PANK1: variants seen among roughly 807,000 people sequenced by gnomAD.
The protein encoded by PANK1 is pantothenate kinase 1.
PANK1 carries 18 observed loss-of-function variants against 40.1 expected under a neutral mutation model. That is an observed-to-expected ratio of 0.45 (90% CI 0.31 to 0.67). PANK1 has a LOEUF of 0.67. Ranked by LOEUF, PANK1 falls within the 30% of genes least tolerant of loss-of-function variation. The probability of loss-of-function intolerance (pLI) is 0.06; values close to 1 mark genes in which losing one functional copy is unlikely to be tolerated. For synonymous variants in PANK1, 242 were observed against 237.7 expected (o/e 1.02, Z -0.17); for missense variants, 457 against 599.6 (o/e 0.76, Z 2.48).
intron 1 of PANK1, among the ~76,000 whole-genome samples, chr10:89,640,688 C>G (rs1841944454): frequency 6.6e-6 from 1 of 152,186 alleles, no homozygotes; most frequent in Non-Finnish European, 1.5e-5. Context: ...CATATATACA[C>G]ACAAAATATT....
chr10:89,616,498 A>T (rs1304315870), intron 1 of PANK1, among the ~76,000 whole-genome samples: 1 of 152,228 alleles, frequency 6.6e-6, no homozygotes, highest in Non-Finnish European at 1.5e-5. Flanking sequence ...GTTTGCCTGT[A>T]GTCCCAGATT....
chr10:89,616,555 G>A (rs1845324648), intron 1 of PANK1, among the ~76,000 whole-genome samples: 1 of 152,106 alleles, frequency 6.6e-6, no homozygotes, highest in Non-Finnish European at 1.5e-5. Flanking sequence ...GGAGGTCAAG[G>A]TTGTAGTGTA....
intron 1 of PANK1, among the ~76,000 whole-genome samples, chr10:89,630,974 C>T (rs12570813): frequency 0.18 from 27,165 of 152,120 alleles, 2,903 homozygotes; most frequent in East Asian, 0.35. Flanking sequence ...GGAGATTAGC[C>T]TGGGGAACAC....
At chr10:89,643,946 GA>G (rs909228829) in intron 1 of PANK1, 3,153 of 1,090,462 alleles carry the variant, frequency 2.9e-3, no homozygotes, top group South Asian at 4.6e-3. Context: ...CCCCTTCGTT[GA>G]AAAAAAAAAT....
intron 1 of PANK1, among the ~76,000 whole-genome samples, chr10:89,631,910 C>T (rs74344987): frequency 0.027 from 4,075 of 150,872 alleles, 357 homozygotes; most frequent in East Asian, 0.27. Context: ...ACACAATAGT[C>T]TCAACTGGAT....
intron 1 of PANK1, among the ~76,000 whole-genome samples, chr10:89,624,072 C>G (rs549763264): frequency 6.6e-6 from 1 of 152,202 alleles, no homozygotes; most frequent in Non-Finnish European, 1.5e-5. Context: ...TTTCTCCTCT[C>G]GCCCAGACAC....
chr10:89,633,102 C>T (rs941792934), intron 1 of PANK1, among the ~76,000 whole-genome samples: 1 of 152,092 alleles, frequency 6.6e-6, no homozygotes, highest in Non-Finnish European at 1.5e-5. Flanking sequence ...GAAAATAAAG[C>T]CCTGATTTTC....
chr10:89,644,393 G>A (rs1416975620), intron 1 of PANK1, among the ~76,000 whole-genome samples: 1 of 152,166 alleles, frequency 6.6e-6, no homozygotes, highest in Admixed American at 6.5e-5. Flanking sequence ...ATAGAAGCGA[G>A]CAAAGGGCAG....
intron 3 of PANK1, among the ~76,000 whole-genome samples, chr10:89,595,756 G>A (rs1844547563): frequency 6.9e-6 from 1 of 144,272 alleles, no homozygotes; most frequent in Admixed American, 7.1e-5. Flanking sequence ...GGTGGAGGCT[G>A]TAGTGAGCCG....
chr10:89,645,225 T>TTCCTCGCCTCCCAGACTGG lies in PANK1; in HGVS notation c.-335_-334insCCAGTCTGGGAGGCGAGGA. On this transcript the variant is annotated 5_prime_UTR_variant, in exon 1 of 7. Coordinates refer to ENST00000307534, the MANE Select transcript of PANK1 (RefSeq NM_148977.3). Reference sequence around the variant, plus strand: ...CAGGCCGCGCGACTTCAAACGCGGCTTCCTCGCCTCCCAGACTGGTCCCCG... The same window carrying TTCCTCGCCTCCCAGACTGG: ...CAGGCCGCGCGACTTCAAACGCGGCTTCCTCGCCTCCCAGACTGGTCCTCGCCTCCCAGACTGGTCCCCG... 1 of 1,599,728 alleles carries TTCCTCGCCTCCCAGACTGG rather than the reference T, an allele frequency of 6.3e-7. No individual in the cohort carries two copies. Among genetic ancestry groups the TTCCTCGCCTCCCAGACTGG allele is most frequent in the Non-Finnish European group, 8.5e-7 (1 of 1,173,962 alleles).
intron 2 of PANK1, among the ~76,000 whole-genome samples, chr10:89,608,566 T>A (rs1480092897): frequency 1.3e-5 from 2 of 152,336 alleles, no homozygotes; most frequent in East Asian, 1.9e-4. Context: ...TACTATATAT[T>A]TTTTAAAAAT....
In PANK1 at chr10:89,644,830, C is replaced by G; in HGVS notation, c.62G>C (p.Gly21Ala). ...SVPHSPGAPV[G>A]TSAAAVNGLL... is the part of the protein sequence containing the mutation. ...CCCGTTCACAGCGGCGGCGCTGGTG[C>G]CCACGGGGGCCCCTGGAGAGTGCGG... Residue 21 changes from glycine to alanine, a missense_variant, in exon 1 of 7, where the codon GGC (glycine) becomes GCC (alanine). Gly to Ala is a moderately conservative substitution (Grantham distance 60). Coordinates refer to ENST00000307534, the MANE Select transcript of PANK1 (RefSeq NM_148977.3). The G allele has an allele frequency of 6.9e-7, 1 of 1,455,948 alleles. No individual in the cohort carries two copies. The highest frequency in any genetic ancestry group is 9.0e-7 in the Non-Finnish European group (1 of 1,112,898). The allele number at this position is 1,455,948 out of a possible 1,614,324, so 90.2% of individuals were successfully genotyped here.
At chr10:89,590,922 G>A (rs765957942) in intron 5 of PANK1, among the ~76,000 whole-genome samples, 15 of 152,176 alleles carry the variant, frequency 9.9e-5, no homozygotes, top group Middle Eastern at 3.4e-3. Context: ...ACCAGAGGGA[G>A]GAGGAAGAAG....
Position 89,603,849 on chromosome 10 carries a change from A to G in PANK1, c.646-4344T>C, listed in dbSNP as rs141398067. The stretch of plus-strand genomic sequence containing the variant: ...TCTATGAGTGGTCAAAGTCTCAAGC[A>G]AGAATGAAATTGAGAATGATAGTGT... On this transcript the variant is annotated intron_variant, in intron 2 of 6. Transcript: ENST00000307534. Among the ~76,000 whole-genome samples, 179 of 152,284 alleles carry G rather than the reference A, an allele frequency of 1.2e-3. 2 individuals are homozygous for G. The highest frequency in any genetic ancestry group is 4.1e-3 in the African/African-American group (170 of 41,568).
At position 89,622,831 on chromosome 10, in the gene PANK1, C is replaced by T. The variant is rs1455745995; in HGVS notation, c.293-10783G>A. ...TAGCCTGGGTGACAGAGCGAGACTC[C>T]ATTCCAAAAAAAAAAAAAACTTAAA... On this transcript the variant is annotated intron_variant, in intron 1 of 6. Transcript: ENST00000307534. Among the ~76,000 whole-genome samples the T allele has an allele frequency of 4.8e-5, 7 of 144,884 alleles. No homozygotes were observed. In the South Asian group the frequency reaches 1.3e-3, roughly 27 times the overall value.
intron 1 of PANK1, among the ~76,000 whole-genome samples, chr10:89,614,912 G>A (rs547213807): frequency 3.4e-4 from 52 of 152,202 alleles, no homozygotes; most frequent in African/African-American, 1.2e-3. Flanking sequence ...AGCCTATTTG[G>A]TTTAGGGAGA....
Position 89,599,523 on chromosome 10 carries a change from A to G in PANK1, c.646-18T>C, listed in dbSNP as rs774382289. The G allele has an allele frequency of 3.7e-6, 6 of 1,603,390 alleles. No homozygotes were observed. Among genetic ancestry groups the G allele is most frequent in the Non-Finnish European group, 5.1e-6 (6 of 1,173,968 alleles). ...TCAGCAATCTAAAACAAAACACACA[A>G]CAAAATAAAACCTTGTGAGATAGGC... On this transcript the variant is annotated intron_variant, in intron 2 of 6. Transcript: ENST00000307534.
At chr10:89,598,112 C>T (rs1844665474) in intron 3 of PANK1, among the ~76,000 whole-genome samples, 1 of 152,128 alleles carries the variant, frequency 6.6e-6, no homozygotes, top group East Asian at 1.9e-4. Flanking sequence ...TTTGGCAGCA[C>T]CCCTGACCTC....
intron 3 of PANK1, 83 bp downstream of exon 3, chr10:89,599,169 G>A (rs774137169): frequency 9.3e-6 from 12 of 1,285,846 alleles, no homozygotes; most frequent in Middle Eastern, 2.5e-4. Context: ...TTTTAAAAAT[G>A]TATTCAATAT....
Sources: allele counts gnomAD v4.1 joint callset (sites outside exome capture counted in the v4.1 genomes callset), GRCh38; gene constraint gnomAD v4.1.1; transcripts MANE v1.5; gene names NCBI Gene and HGNC (gene_info 2026-07-23, HGNC 2026-07-21).